LRRC7: variants seen among roughly 807,000 people sequenced by gnomAD.
LRRC7 encodes the protein leucine-rich repeat-containing protein 7.
LRRC7 carries 23 observed loss-of-function variants against 175.7 expected under a neutral mutation model. That is an observed-to-expected ratio of 0.13 (90% CI 0.09 to 0.19). The LOEUF is 0.19. LRRC7 is among the 10% of genes least tolerant of loss of function. LRRC7 has a pLI of 1.00. For synonymous variants in LRRC7, 685 were observed against 680.9 expected, an observed-to-expected ratio of 1.01 and a Z score of -0.09; for missense variants, 1,354 against 1,904.7, an observed-to-expected ratio of 0.71 and a Z score of 5.38.
In LRRC7 at chr1:70,023,239, A is replaced by G. The variant is rs747445807; in HGVS notation, c.1659A>G (p.Gln553=). 7 of 1,612,952 alleles carry G rather than the reference A, an allele frequency of 4.3e-6. No individual in the cohort carries two copies. The highest frequency in any genetic ancestry group is 5.1e-6 in the Non-Finnish European group (6 of 1,179,364). The stretch of plus-strand genomic sequence containing the variant: ...GGGCCAGGTGTGATCAGCAGATCCA[A>G]GATATGCCCGTCCCCCAGAATGACC... ...TPWARCDQQI[Q]DMPVPQNDPQ... Residue 553 remains glutamine (Q), a synonymous_variant, in exon 17 of 27, where the codon CAA becomes CAG. Coordinates refer to ENST00000651989, the MANE Select transcript of LRRC7 (RefSeq NM_001370785.2).
At chr1:70,029,857 T>G (rs1037458956) in intron 18 of LRRC7, among the ~76,000 whole-genome samples, 1 of 152,214 alleles carries the variant, frequency 6.6e-6, no homozygotes, top group African/African-American at 2.4e-5. Flanking sequence ...ATCTTAAAAC[T>G]GTCTCAAAAT....
chr1:69,917,474 A>G lies in LRRC7; in HGVS notation c.648-14033A>G, dbSNP rs150469832. On this transcript the variant is annotated intron_variant, in intron 7 of 26. Transcript: ENST00000651989. Reference sequence around the variant, plus strand: ...AAAGCCACATGGGAACCCACCTAGTAGCATAAGGAGGTAACAAATGGAGGT... The same window carrying G: ...AAAGCCACATGGGAACCCACCTAGTGGCATAAGGAGGTAACAAATGGAGGT... 2.0e-5 allele frequency among the ~76,000 whole-genome samples: 3 copies of G among 152,288 alleles called. No individual in the cohort carries two copies. The East Asian group carries it at 5.8e-4, about 29-fold the overall frequency.
At chr1:69,675,492 G>A (rs1659641445) in intron 1 of LRRC7, among the ~76,000 whole-genome samples, 1 of 152,084 alleles carries the variant, frequency 6.6e-6, no homozygotes, top group Admixed American at 6.5e-5. Flanking sequence ...TAATCACAAT[G>A]AGTAAAAGTG....
chr1:69,693,984 G>A (rs1662234666), intron 2 of LRRC7, among the ~76,000 whole-genome samples: 1 of 152,118 alleles, frequency 6.6e-6, no homozygotes, highest in Non-Finnish European at 1.5e-5. Flanking sequence ...AAATCAATAA[G>A]TTCTGAGTCT....
chr1:70,047,706 T>C (rs891721624), intron 22 of LRRC7, among the ~76,000 whole-genome samples: 4 of 152,040 alleles, frequency 2.6e-5, no homozygotes, highest in Non-Finnish European at 4.4e-5. Context: ...ATATTTTTCA[T>C]GTATTACAAG....
At chr1:69,990,805 G>T (rs1654365076) in intron 10 of LRRC7, among the ~76,000 whole-genome samples, 3 of 152,032 alleles carry the variant, frequency 2.0e-5, no homozygotes, top group African/African-American at 7.2e-5. Flanking sequence ...AATTCAAATT[G>T]TCATAAATCA....
intron 1 of LRRC7, among the ~76,000 whole-genome samples, chr1:69,643,780 C>A (rs2100444544): frequency 6.6e-6 from 1 of 152,092 alleles, no homozygotes; most frequent in African/African-American, 2.4e-5. Flanking sequence ...TTGAGGCATC[C>A]TCCACTCCCT....
chr1:70,019,344 A>T (rs1193169827), intron 15 of LRRC7, among the ~76,000 whole-genome samples: 1 of 151,970 alleles, frequency 6.6e-6, no homozygotes, highest in African/African-American at 2.4e-5. Context: ...AATATCCCTA[A>T]ATCCTTTTTC....
chr1:70,003,005 G>A (rs975498788), intron 11 of LRRC7, among the ~76,000 whole-genome samples: 6 of 152,132 alleles, frequency 3.9e-5, no homozygotes, highest in African/African-American at 9.7e-5. Flanking sequence ...GGATGGGGTG[G>A]CATAAACAAT....
intron 1 of LRRC7, among the ~76,000 whole-genome samples, chr1:69,583,703 C>T (rs983336639): frequency 5.3e-5 from 8 of 152,118 alleles, no homozygotes; most frequent in Non-Finnish European, 8.8e-5. Context: ...AGGCATTATT[C>T]GTTATTTTCA....
intron 8 of LRRC7, among the ~76,000 whole-genome samples, chr1:69,955,785 C>T (rs1280713155): frequency 3.3e-5 from 5 of 151,796 alleles, no homozygotes; most frequent in Non-Finnish European, 7.4e-5. Context: ...CATGTAATTC[C>T]AAATTACATA....
intron 7 of LRRC7, among the ~76,000 whole-genome samples, chr1:69,895,965 A>G (rs1315903956): frequency 6.6e-6 from 1 of 152,218 alleles, no homozygotes; most frequent in Non-Finnish European, 1.5e-5. Flanking sequence ...TCATTTATAT[A>G]GGATACAACG....
chr1:69,870,776 C>T (rs1002724244), intron 7 of LRRC7, among the ~76,000 whole-genome samples: 21 of 152,088 alleles, frequency 1.4e-4, no homozygotes, highest in Admixed American at 3.3e-4. Context: ...CCTCTTAGAG[C>T]ACTCACTCCC....
intron 2 of LRRC7, among the ~76,000 whole-genome samples, chr1:69,744,260 C>T (rs1437229025): frequency 6.6e-6 from 1 of 151,806 alleles, no homozygotes; most frequent in Non-Finnish European, 1.5e-5. Context: ...AACTGCAATA[C>T]ACACGTATAT....
chr1:69,885,715 T>G (rs1005506248), intron 7 of LRRC7, among the ~76,000 whole-genome samples: 4 of 125,562 alleles, frequency 3.2e-5, no homozygotes, highest in African/African-American at 1.3e-4. Context: ...TGTTAGGGTG[T>G]CAATTTTGGA....
chr1:69,921,799 G>A (rs1179796489), intron 7 of LRRC7, among the ~76,000 whole-genome samples: 3 of 152,118 alleles, frequency 2.0e-5, no homozygotes, highest in African/African-American at 4.8e-5. Flanking sequence ...TTGCCTTCAA[G>A]CTAAAACTCA....
chr1:69,717,871 AAAG>A lies in LRRC7; in HGVS notation c.100+39396_100+39398del, dbSNP rs1397032546. Among the ~76,000 whole-genome samples, 3 of 135,566 alleles carry A rather than the reference AAAG, an allele frequency of 2.2e-5. 1 individual carries two copies. Among genetic ancestry groups the A allele is most frequent in the Non-Finnish European group, 4.8e-5 (3 of 62,386 alleles). The allele number at this position is 135,566 out of a possible 152,430, so 88.9% of individuals were successfully genotyped here. ...AAAGAAAGGAAAGAAAGAAAGAAAG[AAAG>A]AAAGAGAGAAAAAGAGGAGGGAGGG... On this transcript the variant is annotated intron_variant, in intron 2 of 26. Coordinates refer to ENST00000651989, the MANE Select transcript of LRRC7 (RefSeq NM_001370785.2).
At chr1:69,937,229 CATT>C (rs1028250984) in intron 8 of LRRC7, among the ~76,000 whole-genome samples, 2 of 152,080 alleles carry the variant, frequency 1.3e-5, no homozygotes, top group Admixed American at 1.3e-4. Context: ...AAGCAACTAT[CATT>C]GTCTGATTCC....
intron 7 of LRRC7, among the ~76,000 whole-genome samples, chr1:69,882,130 T>C (rs1264293650): frequency 6.6e-6 from 1 of 151,942 alleles, no homozygotes; most frequent in South Asian, 2.1e-4. Flanking sequence ...TGAGAAGATG[T>C]TCAACATCAC....
Sources: gnomAD v4.1 joint callset for allele counts (sites outside exome capture counted in the v4.1 genomes callset) on GRCh38, gnomAD v4.1.1 for gene constraint, MANE v1.5 for transcripts, NCBI Gene and HGNC (gene_info 2026-07-23, HGNC 2026-07-21) for gene names.